Variants in LDLRAP1 observed in about 807,000 individuals in gnomAD.
LDLRAP1 encodes low density lipoprotein receptor adapter protein 1.
A neutral mutation model predicts 37.8 loss-of-function variants in LDLRAP1; 30 were observed. That is an observed-to-expected ratio of 0.79 (90% CI 0.59 to 1.08). The LOEUF (loss-of-function observed/expected upper bound fraction) is 1.08. LDLRAP1 is among the 50% of genes least tolerant of loss of function. LDLRAP1 has a pLI of 0.00. For synonymous variants in LDLRAP1, 156 were observed against 169.8 expected, an observed-to-expected ratio of 0.92 and a Z score of 0.63; for missense variants, 375 against 401.6, an observed-to-expected ratio of 0.93 and a Z score of 0.57.
At chr1:25,576,816 G>C in the LDLRAP1 span, among the ~76,000 whole-genome samples, 2 of 152,266 alleles carry the variant, frequency 1.3e-5, no homozygotes, top group East Asian at 1.9e-4. Context: ...CCAGATTTGG[G>C]GTGGGACTTG....
At chr1:25,569,750 G>A (rs769452426), downstream of LDLRAP1, among the ~76,000 whole-genome samples, 1 of 152,224 alleles carries the variant, frequency 6.6e-6, no homozygotes, top group Non-Finnish European at 1.5e-5. Context: ...ATATTGCAAC[G>A]GTTGTGCTGA....
chr1:25,586,258 A>T, the LDLRAP1 span, among the ~76,000 whole-genome samples: 3 of 151,952 alleles, frequency 2.0e-5, no homozygotes, highest in Admixed American at 2.0e-4. The surrounding 1 kb of genome is among the most constrained non-coding windows in gnomAD (Gnocchi z 4.3). Flanking sequence ...GCGACCAAGA[A>T]CTGGTATTCA....
the LDLRAP1 span, among the ~76,000 whole-genome samples, chr1:25,580,250 G>A: frequency 6.6e-6 from 1 of 152,150 alleles, no homozygotes; most frequent in Non-Finnish European, 1.5e-5. Flanking sequence ...TGGGAAGACA[G>A]AGCTGTCTCC....
rs980877854 is a variant in LDLRAP1 at position 25,543,689 on chromosome 1, G to C, written c.-10G>C. The stretch of plus-strand genomic sequence containing the variant: ...GGCTGCGGCAGCGGCGGCGGCGGCC[G>C]GAGCGGGCCATGGACGCGCTCAAGT... On this transcript the variant is annotated 5_prime_UTR_variant, in exon 1 of 9. Transcript: ENST00000374338. The C allele has an allele frequency of 6.6e-6, 8 of 1,214,770 alleles. No homozygotes were observed. In the East Asian group the frequency reaches 2.7e-4, roughly 40 times the overall value. The allele number at this position is 1,214,770 out of a possible 1,614,324, so 75.2% of individuals were successfully genotyped here.
At position 25,543,704 on chromosome 1, in the gene LDLRAP1, C is replaced by T. The variant is rs778962768; in HGVS notation, c.6C>T (p.Asp2=). 3.6e-5 allele frequency: 44 copies of T among 1,215,296 alleles called. No individual in the cohort carries two copies. The highest frequency in any genetic ancestry group is 6.6e-5 in the East Asian group (2 of 30,196). 75.3% of individuals were successfully genotyped at this position (1,215,296 alleles called of 1,614,324 possible). M[D]ALKSAGRALI... is the part of the protein sequence containing the mutation. ...GGCGGCGGCCGGAGCGGGCCATGGA[C>T]GCGCTCAAGTCGGCGGGGCGGGCGC... Residue 2 remains aspartate, a synonymous_variant, in exon 1 of 9, where the codon GAC becomes GAT. Coordinates refer to ENST00000374338, the MANE Select transcript of LDLRAP1 (RefSeq NM_015627.3).
At chr1:25,566,491 A>G (rs1439522830) in intron 8 of LDLRAP1, among the ~76,000 whole-genome samples, 1 of 152,136 alleles carries the variant, frequency 6.6e-6, no homozygotes, top group Non-Finnish European at 1.5e-5. Context: ...AGTTATAGCC[A>G]AAGAATCTTC....
intron 1 of LDLRAP1, among the ~76,000 whole-genome samples, chr1:25,549,049 G>A (rs2044007587): frequency 1.3e-5 from 2 of 152,232 alleles, no homozygotes; most frequent in Non-Finnish European, 2.9e-5. Context: ...TACTGTGTAA[G>A]TAGGTACTTA....
chr1:25,589,074 CG>C, the LDLRAP1 span, among the ~76,000 whole-genome samples: 1 of 152,050 alleles, frequency 6.6e-6, no homozygotes, highest in Admixed American at 6.5e-5. Context: ...GAGGCCGAGG[CG>C]GGGGGATCAC....
Position 25,559,932 on chromosome 1 carries a change from G to C in LDLRAP1, c.459+2665G>C, listed in dbSNP as rs563118961. On this transcript the variant is annotated intron_variant, in intron 4 of 8. Coordinates refer to ENST00000374338, the MANE Select transcript of LDLRAP1 (RefSeq NM_015627.3). ...CCCAGCATCAGTACCTGGAACCCAG[G>C]GGGGCTTAGTTCTGGGGTGGTAGTA... Among the ~76,000 whole-genome samples the C allele has an allele frequency of 5.3e-5, 8 of 152,310 alleles. No individual in the cohort carries two copies. In the East Asian group the frequency reaches 1.2e-3, roughly 22 times the overall value.
At chr1:25,543,820 G>T (rs1275932568) in intron 1 of LDLRAP1, 34 bp downstream of exon 1, 3 of 1,191,532 alleles carry the variant, frequency 2.5e-6, no homozygotes, top group Non-Finnish European at 3.1e-6. Context: ...GCCGGGCCGG[G>T]ATCGGGCAGA....
chr1:25,543,884 G>A, intron 1 of LDLRAP1, 98 bp downstream of exon 1: 1 of 715,038 alleles, frequency 1.4e-6, no homozygotes, highest in African/African-American at 1.9e-5. Context: ...GGCAGAGGCG[G>A]GGCCTCACCG....
chr1:25,557,217 C>T lies in LDLRAP1; in HGVS notation c.409C>T (p.His137Tyr). ...KVFAYIAQSQ[H>Y]NQSLECHAFL... is the part of the protein sequence containing the mutation. Reference sequence around the variant, plus strand: ...GTTTGCATACATCGCCCAGAGCCAGCACAACCAGAGCCTCGAGTGCCACGC... The same window carrying T: ...GTTTGCATACATCGCCCAGAGCCAGTACAACCAGAGCCTCGAGTGCCACGC... Residue 137 changes from histidine to tyrosine, a missense_variant, in exon 4 of 9, where the codon CAC becomes TAC. Transcript: ENST00000374338. The T allele has an allele frequency of 6.2e-7, 1 of 1,614,152 alleles. No homozygotes were observed. Among genetic ancestry groups the T allele is most frequent in the Non-Finnish European group, 8.5e-7 (1 of 1,180,008 alleles).
chr1:25,569,438 C>T (rs147190073), downstream of LDLRAP1, among the ~76,000 whole-genome samples: 56 of 152,188 alleles, frequency 3.7e-4, no homozygotes, highest in African/African-American at 1.3e-3. Flanking sequence ...TTGAGAGACT[C>T]AGGGTCTAGC....
chr1:25,560,245 G>C (rs1184532889), intron 4 of LDLRAP1, among the ~76,000 whole-genome samples: 1 of 152,104 alleles, frequency 6.6e-6, no homozygotes, highest in Non-Finnish European at 1.5e-5. Context: ...GCCTTGAATC[G>C]GGATGTTGAC....
chr1:25,577,249 G>A, the LDLRAP1 span, among the ~76,000 whole-genome samples: 2 of 152,198 alleles, frequency 1.3e-5, no homozygotes, highest in Admixed American at 6.5e-5. Context: ...GCTGATGAAC[G>A]GAGCTGAGGA....
chr1:25,553,747 A>T (rs1414402980), intron 1 of LDLRAP1, 175 bp from the exon 2 acceptor site: 2 of 711,498 alleles, frequency 2.8e-6, no homozygotes, highest in Non-Finnish European at 4.5e-6. Flanking sequence ...CTCCAGCCTG[A>T]GTGACAGAGT....
intron 1 of LDLRAP1, among the ~76,000 whole-genome samples, chr1:25,545,274 G>A (rs1383062656): frequency 6.6e-6 from 1 of 152,210 alleles, no homozygotes; most frequent in African/African-American, 2.4e-5. Context: ...AAGGAAGGGG[G>A]GCTGGCAAGG....
At chr1:25,552,558 ACCT>A (rs1279586507) in intron 1 of LDLRAP1, among the ~76,000 whole-genome samples, 1 of 152,164 alleles carries the variant, frequency 6.6e-6, no homozygotes, top group Admixed American at 6.5e-5. Context: ...CATAACAAAC[ACCT>A]CCTACAAGCA....
chr1:25,561,262 A>G (rs902544242), intron 4 of LDLRAP1, among the ~76,000 whole-genome samples: 2 of 152,232 alleles, frequency 1.3e-5, no homozygotes, highest in Admixed American at 6.5e-5. Context: ...CTTAAATTGT[A>G]AACAGCTGCG....
Sources: gnomAD v4.1 joint callset for allele counts (sites outside exome capture counted in the v4.1 genomes callset) on GRCh38, gnomAD v4.1.1 for gene constraint, Gnocchi (gnomAD v3.1) non-coding constraint, MANE v1.5 for transcripts, NCBI Gene and HGNC (gene_info 2026-07-23, HGNC 2026-07-21) for gene names.